The following GABBR2 variants were observed in gnomAD, a reference collection of about 807,000 sequenced individuals.
The protein encoded by GABBR2 is G-protein coupled receptor 51.
A neutral mutation model predicts 105.6 loss-of-function variants in GABBR2; 23 were observed. The ratio of observed to expected loss-of-function variants is 0.22; its 90% CI spans 0.16 to 0.31. The LOEUF is 0.31. Ranked by LOEUF, GABBR2 falls within the 10% of genes least tolerant of loss-of-function variation. GABBR2 has a pLI of 1.00. For missense variants in GABBR2, 734 were observed against 1,245.5 expected (o/e 0.59, Z 6.18); for synonymous variants, 478 against 499.7 (o/e 0.96, Z 0.58).
chr9:98,585,175 C>T lies in GABBR2; in HGVS notation c.322-7103G>A, dbSNP rs540264571. On this transcript the variant is annotated intron_variant, in intron 1 of 18. Transcript: ENST00000259455. ...CCTCCATCTACCCTGCCCAGAAAAG[C>T]GACACTAGCTAACGTATACTGTGCC... Among the ~76,000 whole-genome samples the T allele has an allele frequency of 5.9e-5, 9 of 152,200 alleles. No individual in the cohort carries two copies. The South Asian group carries it at 6.2e-4, about 11-fold the overall frequency.
intron 2 of GABBR2, among the ~76,000 whole-genome samples, chr9:98,551,812 C>T (rs929836293): frequency 2.0e-5 from 3 of 152,194 alleles, no homozygotes; most frequent in Non-Finnish European, 4.4e-5. Context: ...GTCCCTGTGA[C>T]TGAGAGAACA....
At chr9:98,570,113 A>G (rs1322589443) in intron 2 of GABBR2, among the ~76,000 whole-genome samples, 1 of 152,164 alleles carries the variant, frequency 6.6e-6, no homozygotes, top group Non-Finnish European at 1.5e-5. Context: ...TAGAGTCAAC[A>G]TCCTCCCATC....
At chr9:98,479,196 C>A (rs1312703239) in intron 5 of GABBR2, among the ~76,000 whole-genome samples, 1 of 152,190 alleles carries the variant, frequency 6.6e-6, no homozygotes, top group East Asian at 1.9e-4. Flanking sequence ...TTTGTGGAAT[C>A]TACCCATAAA....
At position 98,606,974 on chromosome 9, in the gene GABBR2, G is replaced by A. The variant is rs1301671562; in HGVS notation, c.322-28902C>T. The A allele has an allele frequency of 1.1e-5, 9 of 783,204 alleles. No homozygotes were observed. The East Asian group carries it at 1.2e-4, about 11-fold the overall frequency. 48.5% of individuals were successfully genotyped at this position (783,204 alleles called of 1,614,324 possible). A position where few individuals can be genotyped will look rare whatever the true frequency, so the allele number is the denominator to read the frequency against. On this transcript the variant is annotated intron_variant, in intron 1 of 18. Transcript: ENST00000259455. ...CCGCGGCTCCGCCTGCATCCAAACC[G>A]CTGCTCGCCCCATGTCGCTCGGTAG... is the stretch of plus-strand genomic sequence containing the variant.
intron 1 of GABBR2, among the ~76,000 whole-genome samples, chr9:98,671,961 G>A (rs1356734323): frequency 6.6e-6 from 1 of 152,128 alleles, no homozygotes; most frequent in Non-Finnish European, 1.5e-5. Flanking sequence ...ACTGGGTGGG[G>A]GCATGAAGGA....
chr9:98,436,348 C>CATATAT (rs1158239322), intron 7 of GABBR2, among the ~76,000 whole-genome samples: 39 of 7,578 alleles, frequency 5.1e-3, no homozygotes, highest in Non-Finnish European at 7.5e-3. Flanking sequence ...ACACACACAC[C>CATATAT]ATATATATAT....
intron 3 of GABBR2, among the ~76,000 whole-genome samples, chr9:98,515,529 C>A (rs1035603597): frequency 4.6e-5 from 7 of 152,152 alleles, no homozygotes; most frequent in African/African-American, 1.4e-4. Context: ...CATTTGCAAA[C>A]CCCCTTTCTT....
chr9:98,584,848 C>T (rs569027781), intron 1 of GABBR2, among the ~76,000 whole-genome samples: 1 of 152,196 alleles, frequency 6.6e-6, no homozygotes, highest in African/African-American at 2.4e-5. Context: ...CGCAGGAGCA[C>T]TCAGTATCTG....
At chr9:98,420,749 CA>C (rs1425184216) in intron 7 of GABBR2, among the ~76,000 whole-genome samples, 1 of 152,084 alleles carries the variant, frequency 6.6e-6, no homozygotes, top group Admixed American at 6.6e-5. Flanking sequence ...GATCACCAGG[CA>C]AAAGGGAAGG....
rs1255697413 is a variant in GABBR2, at chr9:98,659,521, CT to C, written c.321+48895del. Among the ~76,000 whole-genome samples the C allele has an allele frequency of 4.2e-4, 32 of 75,900 alleles. 1 individual carries two copies. Among genetic ancestry groups the C allele is most frequent in the East Asian group, 1.5e-3 (4 of 2,670 alleles). 49.8% of individuals were successfully genotyped at this position (75,900 alleles called of 152,430 possible). A position where few individuals can be genotyped will look rare whatever the true frequency, so the allele number is the denominator to read the frequency against. ...TAAACAACCTTTTTTCTTTTCTTTT[CT>C]TTTCTTTTTTTTTTTTTTTGACTGA... is the stretch of plus-strand genomic sequence containing the variant. On this transcript the variant is annotated intron_variant, in intron 1 of 18. Coordinates refer to ENST00000259455, the MANE Select transcript of GABBR2 (RefSeq NM_005458.8).
At chr9:98,470,397 G>A (rs1469514898) in intron 6 of GABBR2, among the ~76,000 whole-genome samples, 1 of 152,188 alleles carries the variant, frequency 6.6e-6, no homozygotes, top group Non-Finnish European at 1.5e-5. Context: ...CAAGAGAAAG[G>A]ATGAGAGCCA....
intron 12 of GABBR2, among the ~76,000 whole-genome samples, chr9:98,368,170 C>G (rs563734613): frequency 9.9e-5 from 15 of 152,136 alleles, no homozygotes; most frequent in Admixed American, 9.2e-4. Context: ...GACACAATTA[C>G]CATCCTCTGA....
chr9:98,624,465 G>A (rs945443872), intron 1 of GABBR2, among the ~76,000 whole-genome samples: 1 of 152,230 alleles, frequency 6.6e-6, no homozygotes, highest in African/African-American at 2.4e-5. Flanking sequence ...TATCCTAATT[G>A]TTCAAATACT....
intron 7 of GABBR2, among the ~76,000 whole-genome samples, chr9:98,413,055 TC>T: frequency 6.6e-6 from 1 of 152,338 alleles, no homozygotes; most frequent in East Asian, 1.9e-4. Flanking sequence ...GAATGCCTTT[TC>T]CCCAATTGGA....
intron 8 of GABBR2, among the ~76,000 whole-genome samples, chr9:98,399,820 T>C (rs1360460502): frequency 6.6e-6 from 1 of 152,068 alleles, no homozygotes; most frequent in African/African-American, 2.4e-5. Flanking sequence ...GGGATTGATA[T>C]CTAGCTTATG....
intron 13 of GABBR2, among the ~76,000 whole-genome samples, chr9:98,328,951 T>C (rs867975995): frequency 3.3e-5 from 5 of 152,162 alleles, no homozygotes; most frequent in South Asian, 2.1e-4. Flanking sequence ...TGAGGTGACC[T>C]TGTGGCCACC....
intron 7 of GABBR2, among the ~76,000 whole-genome samples, chr9:98,419,653 T>C (rs1832748074): frequency 6.6e-6 from 1 of 152,196 alleles, no homozygotes; most frequent in South Asian, 2.1e-4. Context: ...TTCAGCTTGA[T>C]GCTGCTCCAA....
At chr9:98,522,456 G>T (rs1351385304) in intron 3 of GABBR2, among the ~76,000 whole-genome samples, 2 of 150,780 alleles carry the variant, frequency 1.3e-5, no homozygotes, top group Non-Finnish European at 3.0e-5. Context: ...CAAAAATAAA[G>T]AAAGAATCCT....
chr9:98,607,763 T>C, intron 1 of GABBR2: 1 of 778,254 alleles, frequency 1.3e-6, no homozygotes. Context: ...AGCAGAAAAC[T>C]GGCAGCTGTG....
Sources: gnomAD v4.1 joint callset for allele counts (sites outside exome capture counted in the v4.1 genomes callset) on GRCh38, gnomAD v4.1.1 for gene constraint, MANE v1.5 for transcripts, NCBI Gene and HGNC (gene_info 2026-07-23, HGNC 2026-07-21) for gene names.